Variants in NSMCE4A observed in about 807,000 individuals in gnomAD.
The protein encoded by NSMCE4A is NSE4A component of SMC5/6 complex.
A neutral mutation model predicts 47.9 loss-of-function variants in NSMCE4A; 40 were observed. The ratio of observed to expected loss-of-function variants is 0.83; its 90% CI spans 0.65 to 1.09. NSMCE4A has a LOEUF of 1.09. Ranked by LOEUF, NSMCE4A falls within the 50% of genes least tolerant of loss-of-function variation. The pLI, the probability that NSMCE4A is intolerant of heterozygous loss-of-function variation, is 0.00. For synonymous variants in NSMCE4A, 166 were observed against 178.5 expected (o/e 0.93, Z 0.56); for missense variants, 500 against 507.0 (o/e 0.99, Z 0.13).
At chr10:121,973,846 A>T (rs1368305883) in intron 2 of NSMCE4A, among the ~76,000 whole-genome samples, 158 bp downstream of exon 2, 1 of 152,252 alleles carries the variant, frequency 6.6e-6, no homozygotes, top group African/African-American at 2.4e-5. Context: ...TGGTAAGTGC[A>T]TAATAAAAAT....
At position 121,958,648 on chromosome 10, in the gene NSMCE4A, T is replaced by C. The variant is rs568028638; in HGVS notation, c.*12+676A>G. On this transcript the variant is annotated intron_variant, in intron 10 of 10. Coordinates refer to ENST00000369023, the MANE Select transcript of NSMCE4A (RefSeq NM_017615.3). ...AGCAGCAGCTGGGTATGGTGACTCATACCTATAATCCCAGCACTTTGGGAA... is the reference window on the plus strand; with the variant it reads ...AGCAGCAGCTGGGTATGGTGACTCACACCTATAATCCCAGCACTTTGGGAA... 2.5e-3 allele frequency among the ~76,000 whole-genome samples: 374 copies of C among 152,246 alleles called. 1 individual carries two copies. The highest frequency in any genetic ancestry group is 0.02 in the Middle Eastern group (6 of 294).
At chr10:121,968,275 G>C (rs944471597) in intron 3 of NSMCE4A, among the ~76,000 whole-genome samples, 3 of 152,182 alleles carry the variant, frequency 2.0e-5, no homozygotes, top group Non-Finnish European at 4.4e-5. Context: ...GAGAAACCCT[G>C]CTGTAGCCCA....
At chr10:121,962,189 T>C (rs566392411) in intron 6 of NSMCE4A, 132 of 297,888 alleles carry the variant, frequency 4.4e-4, no homozygotes, top group Non-Finnish European at 6.2e-4. Flanking sequence ...GAGGCCGAGG[T>C]GGGTGGATCA....
rs1038985899 is a variant in NSMCE4A, at chr10:121,960,674, T to C, written c.940-268A>G. 2.6e-5 allele frequency among the ~76,000 whole-genome samples: 4 copies of C among 152,202 alleles called. No homozygotes were observed. Among genetic ancestry groups the C allele is most frequent in the African/African-American group, 9.6e-5 (4 of 41,452 alleles). ...AACTCATCTTGTCTCTTTAACTGAT[T>C]TATACATATTTTGGAATACTCCACA... On this transcript the variant is annotated intron_variant, in intron 7 of 10. Coordinates refer to ENST00000369023, the MANE Select transcript of NSMCE4A (RefSeq NM_017615.3). This position sits in a 1 kb window ranked among gnomAD's most constrained non-coding sequence, Gnocchi z 4.2.
chr10:121,966,942 T>A (rs1254144051), intron 4 of NSMCE4A: 1 of 152,208 alleles, frequency 6.6e-6, no homozygotes, highest in African/African-American at 2.4e-5. Context: ...CAGTGACAAG[T>A]AATCTTCAAA....
At chr10:121,968,096 G>A (rs1464019975) in intron 3 of NSMCE4A, among the ~76,000 whole-genome samples, 7 of 152,204 alleles carry the variant, frequency 4.6e-5, no homozygotes, top group Non-Finnish European at 7.3e-5. Flanking sequence ...CGTGCCCACA[G>A]GGGTCTTCTG....
chr10:121,970,386 G>A (rs988646329), intron 3 of NSMCE4A, among the ~76,000 whole-genome samples: 1 of 150,856 alleles, frequency 6.6e-6, no homozygotes, highest in South Asian at 2.1e-4. Flanking sequence ...ACAGGAGAAT[G>A]GCGTGAACCC....
At chr10:121,961,621 T>A in intron 6 of NSMCE4A, 104 bp from the exon 7 acceptor site, 2 of 659,284 alleles carry the variant, frequency 3.0e-6, no homozygotes, top group Non-Finnish European at 4.8e-6. Context: ...TCATTCCTGC[T>A]GCAGGAGTGC....
At chr10:121,961,100 T>C (rs1051450759) in intron 7 of NSMCE4A, among the ~76,000 whole-genome samples, 3 of 152,210 alleles carry the variant, frequency 2.0e-5, no homozygotes, top group Non-Finnish European at 4.4e-5. Context: ...GTGTATTTCT[T>C]GAGAACAAGG....
chr10:121,967,783 C>G lies in NSMCE4A; in HGVS notation c.525G>C (p.Pro175=), dbSNP rs779107611. The part of the protein sequence containing the change: ...ETLLTHMGVN[P]LEAEELIRDE... ...CACGGATGAGTTCTTCAGCTTCTAGCGGATTTACACCCATATGTGTGAGCT... is the reference window on the plus strand; with the variant it reads ...CACGGATGAGTTCTTCAGCTTCTAGGGGATTTACACCCATATGTGTGAGCT... Residue 175 remains proline (P), a synonymous_variant, in exon 4 of 11, where the codon CCG becomes CCC. Transcript: ENST00000369023. 3 of 1,613,052 alleles carry G rather than the reference C, an allele frequency of 1.9e-6. No individual in the cohort carries two copies. Among genetic ancestry groups the G allele is most frequent in the Non-Finnish European group, 2.5e-6 (3 of 1,179,800 alleles).
In NSMCE4A at chr10:121,963,282, A is replaced by G; in HGVS notation, c.800T>C (p.Val267Ala). The G allele has an allele frequency of 6.2e-7, 1 of 1,612,326 alleles. No homozygotes were observed. The highest frequency in any genetic ancestry group is 8.5e-7 in the Non-Finnish European group (1 of 1,178,868). The change falls in exon 6 of 11, where the codon GTA (valine) becomes GCA (alanine). Residue 267 changes from valine to alanine, a missense_variant. Physicochemically the swap from Val to Ala is moderately conservative, Grantham distance 64 (BLOSUM62 0). Coordinates refer to ENST00000369023, the MANE Select transcript of NSMCE4A (RefSeq NM_017615.3). ...ESHQEATEKEVERILGLLQTY... is the reference protein window; with the variant it reads ...ESHQEATEKEAERILGLLQTY... Reference sequence around the variant, plus strand: ...CTGCAACAATCCCAAGATTCTTTCTACTTCTTTCTCTGTTGCTTCTTGATG... The same window carrying G: ...CTGCAACAATCCCAAGATTCTTTCTGCTTCTTTCTCTGTTGCTTCTTGATG...
chr10:121,961,201 C>T (rs1445192907), intron 7 of NSMCE4A, among the ~76,000 whole-genome samples: 1 of 152,124 alleles, frequency 6.6e-6, no homozygotes, highest in African/African-American at 2.4e-5. Flanking sequence ...TCAAATTTTT[C>T]CAATTCTTTC....
intron 5 of NSMCE4A, 120 bp downstream of exon 5, chr10:121,965,162 TTAAG>T (rs1246856191): frequency 1.6e-6 from 1 of 620,156 alleles, no homozygotes; most frequent in African/African-American, 1.9e-5. Context: ...AAATGATTAT[TTAAG>T]TGACAAAACC....
chr10:121,959,944 C>T (rs1952468429), intron 8 of NSMCE4A: 2 of 339,382 alleles, frequency 5.9e-6, no homozygotes, highest in African/African-American at 2.1e-5. Context: ...TCACTCTCCA[C>T]AGGAGACCTT....
Position 121,975,088 on chromosome 10 carries a change from G to A in NSMCE4A, c.78C>T (p.Ser26=), listed in dbSNP as rs1189826233. The A allele has an allele frequency of 3.5e-6, 5 of 1,443,914 alleles. No individual in the cohort carries two copies. In the East Asian group the frequency reaches 1.5e-4, roughly 43 times the overall value. 89.4% of individuals were successfully genotyped at this position (1,443,914 alleles called of 1,614,324 possible). A position where few individuals can be genotyped will look rare whatever the true frequency, so the allele number is the denominator to read the frequency against. ...ACAAAGGGGACCGCGAGCGGGAGCG[G>A]GAGCGGGTGCGATCCCGATGCGGGT... ...GRDPHRDRTR[S]RSRSRSPLSP... is the part of the protein sequence containing the mutation. Residue 26 remains serine (S), a synonymous_variant, in exon 1 of 11, where the codon TCC becomes TCT. Coordinates refer to ENST00000369023, the MANE Select transcript of NSMCE4A (RefSeq NM_017615.3).
chr10:121,969,963 G>A (rs532239409), intron 3 of NSMCE4A, among the ~76,000 whole-genome samples: 292 of 152,202 alleles, frequency 1.9e-3, no homozygotes, highest in African/African-American at 6.7e-3. Context: ...TGATCCACCC[G>A]CCTCAGCCTC....
chr10:121,974,374 T>A (rs766450419), intron 1 of NSMCE4A: 124 of 1,147,908 alleles, frequency 1.1e-4, no homozygotes, highest in Non-Finnish European at 1.3e-4. Context: ...TCTCAAACTT[T>A]GCAAGCAATA....
chr10:121,959,545 C>T lies in NSMCE4A; in HGVS notation c.1039G>A (p.Val347Ile), dbSNP rs1952460559. 6.2e-7 allele frequency: 1 copy of T among 1,614,116 alleles called. No homozygotes were observed. Among genetic ancestry groups the T allele is most frequent in the East Asian group, 2.2e-5 (1 of 44,878 alleles). The change falls in exon 9 of 11, where the codon GTT becomes ATT. Residue 347 changes from valine (V) to isoleucine (I), a missense_variant. Transcript: ENST00000369023. ...AAAGCTATAATTCCTTGATTTCTAA[C>T]TTGTGTGTTATGTTCAAATCCCTCA... ...ENEGFEHNTQ[V>I]RNQGIIALSY...
chr10:121,959,216 C>G, intron 10 of NSMCE4A, 108 bp downstream of exon 10: 8 of 888,356 alleles, frequency 9.0e-6, no homozygotes. Flanking sequence ...GAATGGGGCA[C>G]TACAGGGAGG....
Sources: gnomAD v4.1 joint callset for allele counts (sites outside exome capture counted in the v4.1 genomes callset) on GRCh38, gnomAD v4.1.1 for gene constraint, Gnocchi (gnomAD v3.1) non-coding constraint, MANE v1.5 for transcripts, NCBI Gene and HGNC (gene_info 2026-07-23, HGNC 2026-07-21) for gene names.